TRIM25: variants seen among roughly 807,000 people sequenced by gnomAD.
TRIM25 encodes E3 ubiquitin/ISG15 ligase TRIM25.
TRIM25 carries 45 observed loss-of-function variants against 65.2 expected under a neutral mutation model. The ratio of observed to expected loss-of-function variants is 0.69; its 90% CI spans 0.54 to 0.89. TRIM25 has a LOEUF of 0.89. TRIM25 is among the 40% of genes least tolerant of loss of function. The pLI, the probability that TRIM25 is intolerant of heterozygous loss-of-function variation, is 0.00. For missense variants in TRIM25, 714 were observed against 803.7 expected (o/e 0.89, Z 1.35); for synonymous variants, 321 against 340.4 (o/e 0.94, Z 0.63).
chr17:56,903,825 C>T (rs1054586850), intron 3 of TRIM25, among the ~76,000 whole-genome samples: 4 of 152,102 alleles, frequency 2.6e-5, no homozygotes, highest in Non-Finnish European at 4.4e-5. Context: ...TCATGCTGGC[C>T]TTGAAGAAGT....
chr17:56,902,487 A>G (rs577682450), intron 3 of TRIM25, among the ~76,000 whole-genome samples: 2 of 152,356 alleles, frequency 1.3e-5, no homozygotes, highest in Admixed American at 1.3e-4. Flanking sequence ...ATGCTTGGGA[A>G]CACCGATACG....
At chr17:56,910,228 C>T (rs781388582) in intron 1 of TRIM25, among the ~76,000 whole-genome samples, 1 of 152,216 alleles carries the variant, frequency 6.6e-6, no homozygotes, top group Admixed American at 6.5e-5. Context: ...ACTTCCCAGA[C>T]TCTTCAACTC....
intron 3 of TRIM25, among the ~76,000 whole-genome samples, chr17:56,902,428 T>G (rs1909431621): frequency 6.6e-6 from 1 of 151,980 alleles, no homozygotes; most frequent in African/African-American, 2.4e-5. Context: ...CATGAAAAAA[T>G]GCACATCTGA....
At chr17:56,898,242 G>A (rs149024811) in intron 5 of TRIM25, among the ~76,000 whole-genome samples, 83 of 152,054 alleles carry the variant, frequency 5.5e-4, no homozygotes, top group African/African-American at 1.9e-3. Flanking sequence ...ACATCTCAGC[G>A]GTATATGGAC....
intron 6 of TRIM25, 107 bp from the exon 7 acceptor site, chr17:56,895,711 C>T (rs1247786737): frequency 3.9e-6 from 5 of 1,295,606 alleles, no homozygotes; most frequent in African/African-American, 1.5e-5. Flanking sequence ...AACAGCAGGA[C>T]AACACAGGGG....
chr17:56,913,708 G>C lies in TRIM25; in HGVS notation c.281C>G (p.Ala94Gly). 6.4e-7 allele frequency: 1 copy of C among 1,571,456 alleles called. No individual in the cohort carries two copies. The highest frequency in any genetic ancestry group is 8.6e-7 in the Non-Finnish European group (1 of 1,158,900). ...ATTCGGGCTGGGTGCAGAGGCGCGG[G>C]CGGGCGGCGTCCAGACGTCGGCGGG... ...EPPADVWTPP[A>G]RASAPSPNAQ... is the part of the protein sequence containing the mutation. Residue 94 changes from alanine to glycine, a missense_variant, in exon 1 of 9, where the codon GCC becomes GGC. By Grantham distance (60) the Ala-to-Gly change is moderately conservative (BLOSUM62 0). Around this residue, in one of 3 missense-constraint regions of TRIM25, gnomAD observed 291 missense variants for 281.8 expected, o/e 1.03. Coordinates refer to ENST00000316881, the MANE Select transcript of TRIM25 (RefSeq NM_005082.5). This position sits in a 1 kb window ranked among gnomAD's most constrained non-coding sequence, Gnocchi z 6.1.
At position 56,890,820 on chromosome 17, in the gene TRIM25, C is replaced by A; in HGVS notation, c.*880G>T. The A allele has an allele frequency of 2.2e-6, 1 of 456,664 alleles. No homozygotes were observed. The highest frequency in any genetic ancestry group is 4.4e-6 in the Non-Finnish European group (1 of 226,960). The allele number at this position is 456,664 out of a possible 1,614,324, so 28.3% of individuals were successfully genotyped here. A position where few individuals can be genotyped will look rare whatever the true frequency, so the allele number is the denominator to read the frequency against. The stretch of plus-strand genomic sequence containing the variant: ...TCTGTTGATCCAGGGCAGCATCCCC[C>A]TCGCCTGGCAGAGTTCCTTGCCCCA... On this transcript the variant is annotated 3_prime_UTR_variant, in exon 9 of 9. Transcript: ENST00000316881.
chr17:56,905,624 T>C (rs1253380189), intron 2 of TRIM25, among the ~76,000 whole-genome samples: 1 of 152,148 alleles, frequency 6.6e-6, no homozygotes, highest in Non-Finnish European at 1.5e-5. Flanking sequence ...GTTGAAAGAA[T>C]AATATTTAAG....
chr17:56,913,486 C>A lies in TRIM25; in HGVS notation c.503G>T (p.Cys168Phe). 6.2e-7 allele frequency: 1 copy of A among 1,613,506 alleles called. No individual in the cohort carries two copies. Among genetic ancestry groups the A allele is most frequent in the South Asian group, 1.1e-5 (1 of 91,026 alleles). The change falls in exon 1 of 9, where the codon TGC becomes TTC. Residue 168 changes from cysteine (C) to phenylalanine (F), a missense_variant. Around this residue, in one of 3 missense-constraint regions of TRIM25, gnomAD observed 291 missense variants for 281.8 expected, o/e 1.03. Coordinates refer to ENST00000316881, the MANE Select transcript of TRIM25 (RefSeq NM_005082.5). The surrounding 1 kb of genome is among the most constrained non-coding windows in gnomAD (Gnocchi z 6.1). The stretch of plus-strand genomic sequence containing the variant: ...GCAGATGCACTCGCTGTGCTCGGGG[C>A]AGAAAAATTCCCGCAGCCGATTGTG... ...SQHNRLREFF[C>F]PEHSECICHI...
chr17:56,890,611 G>A lies in TRIM25; in HGVS notation c.*1089C>T, dbSNP rs539385239. 364 of 456,578 alleles carry A rather than the reference G, an allele frequency of 8.0e-4. No individual in the cohort carries two copies. Among genetic ancestry groups the A allele is most frequent in the Non-Finnish European group, 1.4e-3 (319 of 226,958 alleles). 28.3% of individuals were successfully genotyped at this position (456,578 alleles called of 1,614,324 possible). A position where few individuals can be genotyped will look rare whatever the true frequency, so the allele number is the denominator to read the frequency against. On this transcript the variant is annotated 3_prime_UTR_variant, in exon 9 of 9. Transcript: ENST00000316881. ...TGGCCTAGCATGGTCCGAGGCAGCC[G>A]CATAGCCTGTCTGCATGATAGCAGG...
intron 5 of TRIM25, among the ~76,000 whole-genome samples, chr17:56,897,893 C>G (rs1381900096): frequency 1.3e-5 from 2 of 152,208 alleles, no homozygotes; most frequent in Non-Finnish European, 2.9e-5. Flanking sequence ...AGGGCTCCCT[C>G]CTCCATCTGC....
At chr17:56,892,882 C>T (rs1909210440) in intron 8 of TRIM25, among the ~76,000 whole-genome samples, 1 of 152,236 alleles carries the variant, frequency 6.6e-6, no homozygotes, top group Non-Finnish European at 1.5e-5. Context: ...CACCATGAGA[C>T]TCACACTCTG....
At position 56,891,951 on chromosome 17, in the gene TRIM25, A is replaced by T; in HGVS notation, c.1642T>A (p.Ser548Thr). 2 of 1,614,130 alleles carry T rather than the reference A, an allele frequency of 1.2e-6. No individual in the cohort carries two copies. The highest frequency in any genetic ancestry group is 1.7e-6 in the Non-Finnish European group (2 of 1,180,020). ...GTGTTGAACCACTCCACGCACCAGG[A>T]GGCGCTGTTGCGGCCGAGCCTGCTT... ...PESRLGRNSA[S>T]WCVEWFNTKI... The change falls in exon 9 of 9, where the codon TCC becomes ACC. Residue 548 changes from serine to threonine, a missense_variant. Around this residue, in one of 3 missense-constraint regions of TRIM25, gnomAD observed 413 missense variants for 498.2 expected, o/e 0.83. Coordinates refer to ENST00000316881, the MANE Select transcript of TRIM25 (RefSeq NM_005082.5).
chr17:56,900,356 C>T (rs535689451), intron 4 of TRIM25, among the ~76,000 whole-genome samples: 6 of 152,242 alleles, frequency 3.9e-5, no homozygotes, highest in Non-Finnish European at 5.9e-5. Context: ...CATTGCATTC[C>T]GGCCTGGGCG....
intron 8 of TRIM25, 75 bp from the exon 9 acceptor site, chr17:56,892,304 C>G: frequency 6.7e-6 from 10 of 1,485,544 alleles, no homozygotes; most frequent in Non-Finnish European, 9.0e-6. Flanking sequence ...CAAAGTGGTA[C>G]TATTTATTCA....
At chr17:56,908,923 C>T (rs896540669) in intron 1 of TRIM25, 12 of 204,274 alleles carry the variant, frequency 5.9e-5, no homozygotes, top group Admixed American at 4.2e-4. Context: ...CAGCCCAATG[C>T]CTGGATCTTA....
At chr17:56,895,905 T>A (rs1193992372) in intron 6 of TRIM25, 21 bp downstream of exon 6, 1 of 1,610,222 alleles carries the variant, frequency 6.2e-7, no homozygotes, top group Non-Finnish European at 8.5e-7. Context: ...AAACGAACAG[T>A]TGCAGAAATG....
chr17:56,904,128 CGT>C (rs1361731595), intron 3 of TRIM25, 125 bp downstream of exon 3: 11 of 748,066 alleles, frequency 1.5e-5, no homozygotes, highest in Non-Finnish European at 2.4e-5. Flanking sequence ...ACTAATACAG[CGT>C]GTGTCTCAGG....
intron 1 of TRIM25, among the ~76,000 whole-genome samples, chr17:56,911,468 T>C (rs1909626587): frequency 6.6e-6 from 1 of 151,612 alleles, no homozygotes; most frequent in Non-Finnish European, 1.5e-5. Context: ...TAGTCCCAGC[T>C]GCTCGGGAGG....
Sources: gnomAD v4.1 joint callset for allele counts (sites outside exome capture counted in the v4.1 genomes callset) on GRCh38, gnomAD v4.1.1 for gene constraint, gnomAD v4.1.1 regional missense constraint, Gnocchi (gnomAD v3.1) non-coding constraint, MANE v1.5 for transcripts, NCBI Gene and HGNC (gene_info 2026-07-23, HGNC 2026-07-21) for gene names.